Variants in CRYL1 observed in about 807,000 individuals in gnomAD.
The protein encoded by CRYL1 is lambda-crystallin homolog.
Under a neutral mutation model 36.6 loss-of-function variants are expected in CRYL1, and 29 were observed. The observed-to-expected ratio is 0.79, with a 90% CI of 0.59 to 1.08. CRYL1 has a LOEUF of 1.08. Among genes scored for constraint, CRYL1 ranks in the 50% least tolerant of loss-of-function variants. The pLI is 0.00. For missense variants in CRYL1, 411 were observed against 407.9 expected, an observed-to-expected ratio of 1.01 and a Z score of -0.06; for synonymous variants, 152 against 151.5, an observed-to-expected ratio of 1.00 and a Z score of -0.02.
intron 5 of CRYL1, chr13:20,430,607 G>C (rs2032037587): frequency 1.0e-6 from 1 of 985,240 alleles, no homozygotes; most frequent in Admixed American, 6.2e-5. Context: ...CATGGCTCTT[G>C]CAATGGAGAG....
At chr13:20,419,396 C>T (rs993457476) in intron 5 of CRYL1, among the ~76,000 whole-genome samples, 2 of 152,106 alleles carry the variant, frequency 1.3e-5, no homozygotes, top group Non-Finnish European at 2.9e-5. Flanking sequence ...CAGGTTCAAG[C>T]GATTCTCCTG....
rs543156740 is a variant in CRYL1, at chr13:20,426,884, G to A, written c.633+5218C>T. ...AAGAGACCAAGAACTCAATCTCTGC[G>A]GCCCAGGCCCTAAGGACAGCAGTCC... is the stretch of plus-strand genomic sequence containing the variant. On this transcript the variant is annotated intron_variant, in intron 5 of 7. Coordinates refer to ENST00000298248, the MANE Select transcript of CRYL1 (RefSeq NM_015974.3). 5.3e-5 allele frequency: 52 copies of A among 985,458 alleles called. 1 individual carries two copies. Among genetic ancestry groups the A allele is most frequent in the Admixed American group, 3.1e-4 (5 of 16,284 alleles). 61.0% of individuals were successfully genotyped at this position (985,458 alleles called of 1,614,324 possible).
intron 3 of CRYL1, among the ~76,000 whole-genome samples, chr13:20,466,705 T>TGTGTGA (rs1555229894): frequency 4.3e-4 from 65 of 151,406 alleles, no homozygotes; most frequent in East Asian, 1.8e-3. Flanking sequence ...TGTGTGTGTG[T>TGTGTGA]GTGTGTAGTT....
intron 3 of CRYL1, among the ~76,000 whole-genome samples, chr13:20,453,412 A>ATATTCTAATATATTTGAATATTTTGAAC (rs2032613517): frequency 7.3e-6 from 1 of 136,256 alleles, no homozygotes; most frequent in African/African-American, 3.8e-5. Context: ...ATATTTTGAA[A>ATATTCTAATATATTTGAATATTTTGAAC]TATTCTAATA....
intron 3 of CRYL1, among the ~76,000 whole-genome samples, chr13:20,444,351 G>A (rs4769109): frequency 0.75 from 113,630 of 152,104 alleles, 42,803 homozygotes; most frequent in Admixed American, 0.81. Context: ...ATACCCAATC[G>A]AGAGAGATCT....
intron 3 of CRYL1, among the ~76,000 whole-genome samples, chr13:20,458,426 G>T (rs2032733066): frequency 6.6e-6 from 1 of 152,104 alleles, no homozygotes; most frequent in African/African-American, 2.4e-5. Flanking sequence ...TGGACCCTTT[G>T]AAATCTTAAC....
intron 3 of CRYL1, among the ~76,000 whole-genome samples, chr13:20,445,370 A>G (rs1304026251): frequency 6.6e-6 from 1 of 152,178 alleles, no homozygotes; most frequent in African/African-American, 2.4e-5. Context: ...CCAGGCTTCC[A>G]GTTGGAACCC....
Position 20,485,363 on chromosome 13 carries a change from C to T in CRYL1, c.276+4007G>A, listed in dbSNP as rs568522368. 3.9e-4 allele frequency among the ~76,000 whole-genome samples: 59 copies of T among 152,072 alleles called. No homozygotes were observed. In the South Asian group the frequency reaches 0.011, roughly 28 times the overall value. ...TCAGAGGATTAAATTTGCTTTACATCATATAAAGAAATGTGTAGGCTGGGC... is the reference window on the plus strand; with the variant it reads ...TCAGAGGATTAAATTTGCTTTACATTATATAAAGAAATGTGTAGGCTGGGC... On this transcript the variant is annotated intron_variant, in intron 3 of 7. Coordinates refer to ENST00000298248, the MANE Select transcript of CRYL1 (RefSeq NM_015974.3).
At chr13:20,478,624 C>T (rs1304447729) in intron 3 of CRYL1, among the ~76,000 whole-genome samples, 1 of 152,132 alleles carries the variant, frequency 6.6e-6, no homozygotes, top group Admixed American at 6.5e-5. Context: ...CACAGGCATG[C>T]ACCACCATGC....
chr13:20,438,251 T>A (rs574391845), intron 4 of CRYL1, among the ~76,000 whole-genome samples: 71 of 152,280 alleles, frequency 4.7e-4, no homozygotes, highest in African/African-American at 1.6e-3. Context: ...AGGAGTCTGT[T>A]ACCTCCACAT....
At chr13:20,437,310 T>A (rs995768656) in intron 4 of CRYL1, among the ~76,000 whole-genome samples, 5 of 74,872 alleles carry the variant, frequency 6.7e-5, no homozygotes, top group South Asian at 8.8e-4. Flanking sequence ...GGAAGATTAA[T>A]TTTTTTTTTT....
chr13:20,433,870 C>T (rs890071670), intron 4 of CRYL1: 8 of 154,458 alleles, frequency 5.2e-5, no homozygotes, highest in Middle Eastern at 5.1e-4. Flanking sequence ...CCTGCTCACA[C>T]TTTCACTGAG....
At chr13:20,470,934 A>AAAAAAAAAAAAAAAAAAAT (rs2033043371) in intron 3 of CRYL1, among the ~76,000 whole-genome samples, 1 of 151,292 alleles carries the variant, frequency 6.6e-6, no homozygotes, top group African/African-American at 2.4e-5. Context: ...AAACAAAAAA[A>AAAAAAAAAAAAAAAAAAAT]AAAACCCATG....
At chr13:20,484,954 C>G (rs1019563638) in intron 3 of CRYL1, among the ~76,000 whole-genome samples, 1 of 152,098 alleles carries the variant, frequency 6.6e-6, no homozygotes, top group African/African-American at 2.4e-5. Flanking sequence ...AGGTTTCACT[C>G]TGGGGGTTTC....
intron 3 of CRYL1, among the ~76,000 whole-genome samples, chr13:20,447,089 A>G (rs7331852): frequency 0.75 from 113,875 of 152,126 alleles, 42,992 homozygotes; most frequent in Admixed American, 0.81. Context: ...GCACAGGGCA[A>G]CTGACAGGCA....
chr13:20,507,258 G>C (rs886827006), intron 2 of CRYL1, among the ~76,000 whole-genome samples: 36 of 152,140 alleles, frequency 2.4e-4, no homozygotes, highest in African/African-American at 8.2e-4. Flanking sequence ...ATAACATTTT[G>C]TGACTCTGAA....
intron 4 of CRYL1, among the ~76,000 whole-genome samples, chr13:20,434,827 A>G (rs1171346701): frequency 6.6e-6 from 1 of 151,540 alleles, no homozygotes; most frequent in Admixed American, 6.6e-5. Context: ...CGGACACACC[A>G]TCAGTTACTG....
rs570088279 is a variant in CRYL1 at position 20,524,071 on chromosome 13, T to C, written c.41+1683A>G. On this transcript the variant is annotated intron_variant, in intron 1 of 7. Transcript: ENST00000298248. ...TTCAAGACCAACCAGGGCAAGATGG[T>C]GAGACCCCATCTCTACCTAAAAATT... 6.6e-5 allele frequency among the ~76,000 whole-genome samples: 10 copies of C among 152,266 alleles called. No homozygotes were observed. The South Asian group carries it at 2.1e-3, about 32-fold the overall frequency.
intron 5 of CRYL1, among the ~76,000 whole-genome samples, chr13:20,429,115 G>A (rs957502513): frequency 3.9e-5 from 6 of 152,128 alleles, no homozygotes; most frequent in East Asian, 3.8e-4. Context: ...CAGGCACTCC[G>A]GCCACACATG....
Sources: gnomAD v4.1 joint callset for allele counts (sites outside exome capture counted in the v4.1 genomes callset) on GRCh38, gnomAD v4.1.1 for gene constraint, MANE v1.5 for transcripts, NCBI Gene and HGNC (gene_info 2026-07-23, HGNC 2026-07-21) for gene names.